The following ADGRB3 variants were observed in gnomAD, a reference collection of about 807,000 sequenced individuals.
ADGRB3 encodes the protein adhesion G protein-coupled receptor B3.
In ADGRB3, 37 loss-of-function variants were observed where a neutral mutation model predicts 193.4. That is an observed-to-expected ratio of 0.19 (90% confidence interval 0.15 to 0.25). ADGRB3 has a LOEUF of 0.25. ADGRB3 is among the 10% of genes least tolerant of loss of function. ADGRB3 has a pLI of 1.00. For missense variants in ADGRB3, 1,637 were observed against 1,852.9 expected (o/e 0.88, Z 2.14); for synonymous variants, 690 against 644.2 (o/e 1.07, Z -1.08).
chr6:69,310,480 G>T, intron 20 of ADGRB3, among the ~76,000 whole-genome samples: 1 of 151,612 alleles, frequency 6.6e-6, no homozygotes, highest in East Asian at 1.9e-4. Context: ...TTAGAAATGA[G>T]GTATAGTAAT....
chr6:68,762,350 T>G (rs1766408333), intron 3 of ADGRB3, among the ~76,000 whole-genome samples: 1 of 152,160 alleles, frequency 6.6e-6, no homozygotes, highest in South Asian at 2.1e-4. Flanking sequence ...TTATATATTT[T>G]GTTAAAATAA....
chr6:69,131,446 C>T (rs1425136478), intron 17 of ADGRB3, among the ~76,000 whole-genome samples: 5 of 151,932 alleles, frequency 3.3e-5, no homozygotes, highest in East Asian at 1.9e-4. Flanking sequence ...TTGGGGTTCA[C>T]ACTGCTTCTA....
At chr6:68,808,707 T>G (rs750438185) in intron 3 of ADGRB3, among the ~76,000 whole-genome samples, 1 of 149,862 alleles carries the variant, frequency 6.7e-6, no homozygotes, top group Non-Finnish European at 1.5e-5. Flanking sequence ...ATGGTAGATA[T>G]CATAAGGAAA....
chr6:69,376,564 G>C, intron 30 of ADGRB3, among the ~76,000 whole-genome samples: 1 of 151,962 alleles, frequency 6.6e-6, no homozygotes, highest in Non-Finnish European at 1.5e-5. Context: ...ATGGGGGCTT[G>C]AGTTTTTACA....
intron 17 of ADGRB3, among the ~76,000 whole-genome samples, chr6:69,229,558 G>A (rs1512230): frequency 0.14 from 21,847 of 152,078 alleles, 1,617 homozygotes; most frequent in Middle Eastern, 0.16. Context: ...TAATTTACAT[G>A]CTGATTTATT....
At chr6:69,186,746 A>T (rs1234726933) in intron 17 of ADGRB3, among the ~76,000 whole-genome samples, 2 of 152,022 alleles carry the variant, frequency 1.3e-5, no homozygotes, top group African/African-American at 4.8e-5. Flanking sequence ...CCTGAATTTC[A>T]GTCTGTAAGA....
rs374356976 is a variant in ADGRB3, at chr6:69,324,987, G to A, written c.2930G>A (p.Arg977Gln). Residue 977 changes from arginine to glutamine, a missense_variant, in exon 21 of 32, where the codon CGG becomes CAG. This residue lies in a region of ADGRB3 where 87 missense variants were observed against 161.0 expected (regional missense o/e 0.54). Transcript: ENST00000370598. ...YMAVTGKIRT[R>Q]LIRKRFLCLG... ...GCTGTAACTGGAAAAATTAGGACAC[G>A]GCTTATAAGAAAACGCTTTTTGTGC... 18 of 1,613,560 alleles carry A rather than the reference G, an allele frequency of 1.1e-5. No individual in the cohort carries two copies. Among genetic ancestry groups the A allele is most frequent in the African/African-American group, 5.3e-5 (4 of 74,866 alleles).
At chr6:69,120,093 G>T (rs1773641964) in intron 17 of ADGRB3, among the ~76,000 whole-genome samples, 1 of 152,164 alleles carries the variant, frequency 6.6e-6, no homozygotes. Context: ...CAAAAACTGT[G>T]GCCTGGGCTA....
intron 20 of ADGRB3, among the ~76,000 whole-genome samples, chr6:69,268,262 A>G (rs1392091467): frequency 1.3e-5 from 2 of 152,138 alleles, no homozygotes; most frequent in Non-Finnish European, 2.9e-5. Flanking sequence ...CACAATTATA[A>G]TTTTGAAATC....
At chr6:68,797,523 T>G (rs530977320) in intron 3 of ADGRB3, among the ~76,000 whole-genome samples, 29 of 152,224 alleles carry the variant, frequency 1.9e-4, no homozygotes, top group Admixed American at 1.2e-3. Context: ...AGTAGCAGCA[T>G]CTTTGGAAAG....
intron 20 of ADGRB3, among the ~76,000 whole-genome samples, chr6:69,269,538 T>G (rs184575318): frequency 2.4e-4 from 37 of 152,290 alleles, no homozygotes; most frequent in African/African-American, 7.0e-4. Context: ...TAAATGCATA[T>G]CTATCAAATA....
intron 3 of ADGRB3, among the ~76,000 whole-genome samples, chr6:68,860,876 C>CT (rs5877177): frequency 1.7e-4 from 25 of 151,360 alleles, no homozygotes; most frequent in Middle Eastern, 3.2e-3. Context: ...TTTAAATATG[C>CT]TTTTTTTTTA....
chr6:68,759,910 A>T (rs1261847818), intron 3 of ADGRB3, among the ~76,000 whole-genome samples: 1 of 152,080 alleles, frequency 6.6e-6, no homozygotes, highest in Admixed American at 6.6e-5. Context: ...ACAAAATCTC[A>T]TAGATTTTTA....
chr6:68,724,388 C>A (rs187604847), intron 3 of ADGRB3, among the ~76,000 whole-genome samples: 5 of 151,726 alleles, frequency 3.3e-5, no homozygotes, highest in Admixed American at 3.3e-4. Context: ...AGGTCAATTG[C>A]AGGTCAGTTT....
intron 10 of ADGRB3, among the ~76,000 whole-genome samples, chr6:68,987,010 A>T (rs939349517): frequency 6.6e-6 from 1 of 152,224 alleles, no homozygotes; most frequent in African/African-American, 2.4e-5. Flanking sequence ...CAGAACTCTG[A>T]AGAGCAACTA....
intron 3 of ADGRB3, among the ~76,000 whole-genome samples, chr6:68,765,044 C>T (rs1360097309): frequency 3.3e-5 from 5 of 152,162 alleles, no homozygotes; most frequent in African/African-American, 1.2e-4. Context: ...CAACTTCTTG[C>T]CTCTTAATAA....
chr6:68,888,466 T>C (rs1156701000), intron 3 of ADGRB3, among the ~76,000 whole-genome samples: 2 of 151,884 alleles, frequency 1.3e-5, no homozygotes, highest in African/African-American at 4.8e-5. Context: ...ATAAAATTGA[T>C]ATTGTGGTCA....
chr6:68,883,716 CTGAACATGTT>C (rs1440568088), intron 3 of ADGRB3, among the ~76,000 whole-genome samples: 1 of 152,150 alleles, frequency 6.6e-6, no homozygotes, highest in Non-Finnish European at 1.5e-5. Context: ...GGAAGAAACT[CTGAACATGTT>C]TGAACATGAG....
At chr6:68,860,674 T>C (rs886637808) in intron 3 of ADGRB3, among the ~76,000 whole-genome samples, 2 of 152,240 alleles carry the variant, frequency 1.3e-5, no homozygotes, top group Non-Finnish European at 2.9e-5. Flanking sequence ...ATTTCATGAC[T>C]TTGCTATTGT....
Sources: gnomAD v4.1 joint callset for allele counts (sites outside exome capture counted in the v4.1 genomes callset) on GRCh38, gnomAD v4.1.1 for gene constraint, gnomAD v4.1.1 regional missense constraint, MANE v1.5 for transcripts, NCBI Gene and HGNC (gene_info 2026-07-23, HGNC 2026-07-21) for gene names.